The following ANKRD28 variants were observed in gnomAD, a reference collection of about 807,000 sequenced individuals.
The protein encoded by ANKRD28 is serine/threonine-protein phosphatase 6 regulatory ankyrin repeat subunit A.
ANKRD28 carries 44 observed loss-of-function variants against 126.5 expected under a neutral mutation model. The ratio of observed to expected loss-of-function variants is 0.35; its 90% CI spans 0.27 to 0.45. The LOEUF (loss-of-function observed/expected upper bound fraction) is 0.45, where lower values mean the gene tolerates loss of function less well. Ranked by LOEUF, ANKRD28 falls within the 20% of genes least tolerant of loss-of-function variation. The probability of loss-of-function intolerance (pLI) is 1.00; values close to 1 mark genes in which losing one functional copy is unlikely to be tolerated. For synonymous variants in ANKRD28, 442 were observed against 468.5 expected, an observed-to-expected ratio of 0.94 and a Z score of 0.73; for missense variants, 1,110 against 1,316.6, an observed-to-expected ratio of 0.84 and a Z score of 2.43.
At chr3:15,749,312 C>T (rs2057715897) in intron 4 of ANKRD28, among the ~76,000 whole-genome samples, 1 of 150,882 alleles carries the variant, frequency 6.6e-6, no homozygotes, top group Non-Finnish European at 1.5e-5. Context: ...CGGGGTTTCA[C>T]CTTGTTAGCC....
rs569279071 is a variant in ANKRD28 at position 15,704,570 on chromosome 3, G to A, written c.1547+3354C>T. Among the ~76,000 whole-genome samples the A allele has an allele frequency of 1.3e-4, 20 of 152,194 alleles. No homozygotes were observed. In the South Asian group the frequency reaches 4.1e-3, roughly 32 times the overall value. ...AATAATAGCAATTGGAAGCTCTGAG[G>A]AATTTGTCTCTTCTTTTAGAAAATA... On this transcript the variant is annotated intron_variant, in intron 14 of 27. Coordinates refer to ENST00000683139, the MANE Select transcript of ANKRD28 (RefSeq NM_001349278.2).
chr3:15,695,102 C>A, intron 16 of ANKRD28, 86 bp downstream of exon 16: 1 of 1,102,506 alleles, frequency 9.1e-7, no homozygotes, highest in Non-Finnish European at 1.4e-6. Flanking sequence ...ACACTTTCAG[C>A]TCTAATGAGA....
chr3:15,808,010 T>C (rs1293700921), intron 1 of ANKRD28, among the ~76,000 whole-genome samples: 1 of 152,202 alleles, frequency 6.6e-6, no homozygotes, highest in Admixed American at 6.5e-5. Flanking sequence ...ACAACATGCC[T>C]GCAAACTAGT....
chr3:15,686,862 T>C (rs571568545), intron 18 of ANKRD28, among the ~76,000 whole-genome samples: 1 of 152,018 alleles, frequency 6.6e-6, no homozygotes, highest in South Asian at 2.1e-4. Flanking sequence ...TGAATGCAAA[T>C]GTAAGAGAAT....
At chr3:15,678,435 G>T in intron 23 of ANKRD28, 81 bp from the exon 24 acceptor site, 2 of 1,382,256 alleles carry the variant, frequency 1.4e-6, no homozygotes, top group Non-Finnish European at 2.0e-6. Flanking sequence ...TTTGTGACAT[G>T]CTGTTTTTAA....
Position 15,679,457 on chromosome 3 carries a change from T to G in ANKRD28, c.2477+19A>C. 1 of 1,613,828 alleles carries G rather than the reference T, an allele frequency of 6.2e-7. No individual in the cohort carries two copies. ...TTAAAACACTCAAACCAAATCTGAT[T>G]CATTCTGGCTTTACTTACACGGCAC... On this transcript the variant is annotated intron_variant, in intron 22 of 27. Coordinates refer to ENST00000683139, the MANE Select transcript of ANKRD28 (RefSeq NM_001349278.2).
In ANKRD28 at chr3:15,668,007, T is replaced by C. The variant is rs1462248948; in HGVS notation, c.*2263A>G. ...AGAAGACATGGCAGAATGTGCGAGA[T>C]TCATCCTTCCAACATTCTCAGGGTT... is the stretch of plus-strand genomic sequence containing the variant. On this transcript the variant is annotated 3_prime_UTR_variant, in exon 28 of 28. Coordinates refer to ENST00000683139, the MANE Select transcript of ANKRD28 (RefSeq NM_001349278.2). 1 of 152,168 alleles carries C rather than the reference T, an allele frequency of 6.6e-6. No homozygotes were observed. The highest frequency in any genetic ancestry group is 1.5e-5 in the Non-Finnish European group (1 of 68,040). 9.4% of individuals were successfully genotyped at this position (152,168 alleles called of 1,614,324 possible).
At chr3:15,731,582 A>G (rs918841429) in intron 6 of ANKRD28, among the ~76,000 whole-genome samples, 1 of 152,200 alleles carries the variant, frequency 6.6e-6, no homozygotes, top group Non-Finnish European at 1.5e-5. Context: ...AGCGGCACAT[A>G]TCTTTGGTGT....
rs142037337 is a variant in ANKRD28, at chr3:15,688,829, A to C, written c.1963+1190T>G. Among the ~76,000 whole-genome samples the C allele has an allele frequency of 4.1e-3, 619 of 152,358 alleles. 1 individual carries two copies. The highest frequency in any genetic ancestry group is 0.023 in the East Asian group (118 of 5,190). On this transcript the variant is annotated intron_variant, in intron 18 of 27. Transcript: ENST00000683139. ...GTATCTGCTACATCATAATATCACA[A>C]TATGGAATAGTTCTTGCATAAAGTG...
At chr3:15,717,778 T>C (rs2073244285) in intron 8 of ANKRD28, among the ~76,000 whole-genome samples, 2 of 152,178 alleles carry the variant, frequency 1.3e-5, no homozygotes, top group African/African-American at 4.8e-5. Flanking sequence ...GTCAAGCAGT[T>C]CTAAAAAACA....
chr3:15,741,569 C>T (rs1017287796), intron 4 of ANKRD28, among the ~76,000 whole-genome samples: 1 of 151,672 alleles, frequency 6.6e-6, no homozygotes, highest in Admixed American at 6.6e-5. Flanking sequence ...GACATTAATT[C>T]AAATGAGATT....
chr3:15,808,660 ATTCTGATTCCT>A (rs2060640889), intron 1 of ANKRD28, among the ~76,000 whole-genome samples: 1 of 152,078 alleles, frequency 6.6e-6, no homozygotes, highest in South Asian at 2.1e-4. Flanking sequence ...TACTTTTTCA[ATTCTGATTCCT>A]TTCTTACAGC....
intron 1 of ANKRD28, among the ~76,000 whole-genome samples, chr3:15,831,539 A>C (rs1447173905): frequency 6.6e-6 from 1 of 152,152 alleles, no homozygotes; most frequent in East Asian, 1.9e-4. Context: ...ACAACAAAAA[A>C]TGTCTCCAGA....
rs1434406637 is a variant in ANKRD28, at chr3:15,839,026, T to C, written c.27+20351A>G. Among the ~76,000 whole-genome samples the C allele has an allele frequency of 2.6e-5, 4 of 152,208 alleles. No homozygotes were observed. Among genetic ancestry groups the C allele is most frequent in the African/African-American group, 9.6e-5 (4 of 41,458 alleles). On this transcript the variant is annotated intron_variant, in intron 1 of 27. Coordinates refer to the ANKRD28 transcript ENST00000399451. The surrounding 1 kb of genome is among the most constrained non-coding windows in gnomAD (Gnocchi z 4.3). ...AGACAAAAAATGATCACGTATCATA[T>C]GACTCCACTTATATAAAATGTCCAT... is the stretch of plus-strand genomic sequence containing the variant.
intron 1 of ANKRD28, among the ~76,000 whole-genome samples, chr3:15,849,356 C>A (rs991794166): frequency 2.0e-5 from 3 of 152,056 alleles, no homozygotes; most frequent in African/African-American, 4.8e-5. Context: ...AAAACAAAAA[C>A]AAAAATTGGA....
At chr3:15,671,781 C>T (rs555803680) in intron 27 of ANKRD28, among the ~76,000 whole-genome samples, 8 of 151,980 alleles carry the variant, frequency 5.3e-5, no homozygotes, top group South Asian at 2.1e-4. Context: ...GATGGGATTT[C>T]GCTATGTTGG....
intron 18 of ANKRD28, 157 bp from the exon 19 acceptor site, chr3:15,686,466 G>T: frequency 1.6e-6 from 1 of 639,312 alleles, no homozygotes; most frequent in Non-Finnish European, 2.7e-6. Flanking sequence ...GGTTTCTACG[G>T]CCTTTGACTG....
upstream of ANKRD28, chr3:15,798,308 G>C (rs1369839210): frequency 4.2e-6 from 1 of 236,136 alleles, no homozygotes; most frequent in African/African-American, 2.3e-5. Context: ...CATAAAAAAG[G>C]TTTAAAGATG....
intron 14 of ANKRD28, among the ~76,000 whole-genome samples, chr3:15,700,405 C>G (rs1019019497): frequency 3.3e-5 from 5 of 151,550 alleles, no homozygotes; most frequent in Admixed American, 1.3e-4. Flanking sequence ...GTATACCTAT[C>G]TAACAAACCT....
Sources: gnomAD v4.1 joint callset for allele counts (sites outside exome capture counted in the v4.1 genomes callset) on GRCh38, gnomAD v4.1.1 for gene constraint, Gnocchi (gnomAD v3.1) non-coding constraint, MANE v1.5 for transcripts, NCBI Gene and HGNC (gene_info 2026-07-23, HGNC 2026-07-21) for gene names.